Variants in TPRG1 observed in about 807,000 individuals in gnomAD.
The protein encoded by TPRG1 is tumor protein p63 regulated 1, also known as tumor protein p63-regulated gene 1 protein.
In TPRG1, 29 loss-of-function variants were observed where a neutral mutation model predicts 29.3. The ratio of observed to expected loss-of-function variants is 0.99; its 90% confidence interval spans 0.74 to 1.35. The LOEUF is 1.35. TPRG1 is among the 40% of genes most tolerant of loss of function. The pLI is 0.00. For synonymous variants in TPRG1, 130 were observed against 116.8 expected, an observed-to-expected ratio of 1.11 and a Z score of -0.73; for missense variants, 327 against 335.0, an observed-to-expected ratio of 0.98 and a Z score of 0.19.
At chr3:189,111,486 T>C (rs1203711944) in intron 1 of TPRG1, among the ~76,000 whole-genome samples, 1 of 152,134 alleles carries the variant, frequency 6.6e-6, no homozygotes, top group Non-Finnish European at 1.5e-5. Context: ...GGGCTTCTTA[T>C]TTATGATAGG....
At chr3:189,291,649 C>G (rs1264412190) in intron 4 of TPRG1, among the ~76,000 whole-genome samples, 1 of 152,108 alleles carries the variant, frequency 6.6e-6, no homozygotes, top group Non-Finnish European at 1.5e-5. Flanking sequence ...TGCTTTTAAC[C>G]CCACGACAAT....
chr3:189,030,727 T>C (rs1194724870), intron 4 of TPRG1, among the ~76,000 whole-genome samples: 4 of 152,134 alleles, frequency 2.6e-5, no homozygotes, highest in Non-Finnish European at 5.9e-5. Flanking sequence ...TCTGTACGTA[T>C]GAGGAAGGGG....
intron 5 of TPRG1, among the ~76,000 whole-genome samples, chr3:189,311,248 A>G (rs115426838): frequency 0.016 from 2,489 of 152,328 alleles, 71 homozygotes; most frequent in African/African-American, 0.057. Context: ...TATATTTTCA[A>G]TAAAACCAAA....
chr3:189,219,423 C>T (rs1358438531), intron 3 of TPRG1: 1 of 271,172 alleles, frequency 3.7e-6, no homozygotes, highest in Non-Finnish European at 6.6e-6. Flanking sequence ...GGCCTCCAGG[C>T]GAGCTCATCC....
intron 4 of TPRG1, among the ~76,000 whole-genome samples, chr3:189,268,989 A>T (rs1714611625): frequency 6.6e-6 from 1 of 152,084 alleles, no homozygotes; most frequent in Non-Finnish European, 1.5e-5. Context: ...CTCTTATTTC[A>T]TACATTTTCC....
At chr3:189,095,924 C>T (rs916041134), upstream of TPRG1, among the ~76,000 whole-genome samples, 1 of 152,184 alleles carries the variant, frequency 6.6e-6, no homozygotes, top group African/African-American at 2.4e-5. Flanking sequence ...GGAGTTTGGT[C>T]AGGGCCCAGC....
chr3:189,178,780 T>C (rs1216283111), intron 1 of TPRG1, among the ~76,000 whole-genome samples: 4 of 152,356 alleles, frequency 2.6e-5, no homozygotes, highest in Middle Eastern at 3.4e-3. Flanking sequence ...AGATAACTTA[T>C]AGCTTTAGAA....
intron 4 of TPRG1, among the ~76,000 whole-genome samples, chr3:189,025,720 A>G (rs115700223): frequency 2.0e-5 from 3 of 152,344 alleles, no homozygotes; most frequent in Non-Finnish European, 4.4e-5. Context: ...GAGACATGGA[A>G]TAATCAAGCA....
intron 4 of TPRG1, among the ~76,000 whole-genome samples, chr3:189,083,386 G>A (rs935842643): frequency 6.6e-6 from 1 of 152,182 alleles, no homozygotes; most frequent in African/African-American, 2.4e-5. Flanking sequence ...GGAAAGGGAG[G>A]GGCAGGGAAG....
intron 1 of TPRG1, among the ~76,000 whole-genome samples, chr3:189,200,643 A>G (rs1733323225): frequency 6.6e-6 from 1 of 152,086 alleles, no homozygotes; most frequent in Non-Finnish European, 1.5e-5. Flanking sequence ...CAAGCCATAG[A>G]CTTTTCTAAG....
chr3:189,091,967 C>T (rs949904690), intron 4 of TPRG1, among the ~76,000 whole-genome samples: 3 of 152,000 alleles, frequency 2.0e-5, no homozygotes, highest in Non-Finnish European at 4.4e-5. Flanking sequence ...TTTTGCTCTC[C>T]TATTTGAATG....
intron 1 of TPRG1, among the ~76,000 whole-genome samples, chr3:189,102,851 G>T (rs932491476): frequency 8.6e-5 from 13 of 151,834 alleles, no homozygotes; most frequent in African/African-American, 3.1e-4. Context: ...CCAATCATGG[G>T]GAACTTCTGG....
chr3:189,161,351 C>T lies in TPRG1; in HGVS notation c.-10+10479C>T, dbSNP rs188408910. On this transcript the variant is annotated intron_variant, in intron 5 of 6. Coordinates refer to the TPRG1 transcript ENST00000412373. ...CTTGGGGCAAGTTATTCACTTGTTT[C>T]TCCTCAGTTTCTTCTGCCATAAATG... Among the ~76,000 whole-genome samples the T allele has an allele frequency of 3.3e-5, 5 of 152,292 alleles. No individual in the cohort carries two copies. The East Asian group carries it at 7.7e-4, about 23-fold the overall frequency.
intron 4 of TPRG1, among the ~76,000 whole-genome samples, chr3:189,085,956 G>T (rs762755593): frequency 1.3e-5 from 2 of 152,150 alleles, no homozygotes; most frequent in Admixed American, 1.3e-4. Context: ...ATGTATATAT[G>T]AAAGGGAATT....
intron 4 of TPRG1, among the ~76,000 whole-genome samples, chr3:189,042,684 C>G (rs1323718692): frequency 1.3e-5 from 2 of 151,856 alleles, no homozygotes; most frequent in African/African-American, 2.4e-5. Context: ...TTGATGATCC[C>G]TCATGAAAAT....
chr3:189,198,576 G>A (rs569306876), intron 1 of TPRG1, among the ~76,000 whole-genome samples: 1 of 152,202 alleles, frequency 6.6e-6, no homozygotes, highest in African/African-American at 2.4e-5. Context: ...AACAAATTAA[G>A]CCTTGTCCTT....
chr3:189,299,244 T>G (rs1418223026), intron 4 of TPRG1, among the ~76,000 whole-genome samples: 2 of 152,136 alleles, frequency 1.3e-5, no homozygotes, highest in Non-Finnish European at 2.9e-5. Context: ...AATGTTTCCT[T>G]TATTGTGTAG....
At position 189,207,419 on chromosome 3, in the gene TPRG1, C is replaced by G; in HGVS notation, c.35C>G (p.Ala12Gly). 2 of 1,614,020 alleles carry G rather than the reference C, an allele frequency of 1.2e-6. No individual in the cohort carries two copies. Among genetic ancestry groups the G allele is most frequent in the Non-Finnish European group, 1.7e-6 (2 of 1,179,944 alleles). The change falls in exon 2 of 6, where the codon GCT becomes GGT. Residue 12 changes from alanine to glycine, a missense_variant. Ala to Gly is a moderately conservative substitution (Grantham distance 60). Transcript: ENST00000345063. The part of the protein sequence containing the change: ...STIGSFEGFQ[A>G]VSLKQEGDDQ... ...ATTGGGAGTTTTGAAGGATTCCAGG[C>G]TGTGTCTCTGAAGCAAGAGGGAGAT...
intron 3 of TPRG1, among the ~76,000 whole-genome samples, chr3:189,227,978 A>G (rs957017115): frequency 1.3e-5 from 2 of 152,026 alleles, no homozygotes; most frequent in Non-Finnish European, 2.9e-5. Context: ...AAAATCAGCC[A>G]GGTGTGGTGG....
Sources: gnomAD v4.1 joint callset for allele counts (sites outside exome capture counted in the v4.1 genomes callset) on GRCh38, gnomAD v4.1.1 for gene constraint, MANE v1.5 for transcripts, NCBI Gene and HGNC (gene_info 2026-07-23, HGNC 2026-07-21) for gene names.